Variants in DCHS2 observed in about 807,000 individuals in gnomAD.
DCHS2 encodes protocadherin-23.
A neutral mutation model predicts 182.4 loss-of-function variants in DCHS2; 142 were observed. The observed-to-expected ratio is 0.78, with a 90% CI of 0.68 to 0.89. The LOEUF (loss-of-function observed/expected upper bound fraction) is 0.89. Ranked by LOEUF, DCHS2 falls within the 40% of genes least tolerant of loss-of-function variation. The pLI, the probability that DCHS2 is intolerant of heterozygous loss-of-function variation, is 0.00. For missense variants in DCHS2, 4,319 were observed against 4,198.6 expected, an observed-to-expected ratio of 1.03 and a Z score of -0.79; for synonymous variants, 1,740 against 1,663.3, an observed-to-expected ratio of 1.05 and a Z score of -1.12.
chr4:154,399,864 AAT>A lies in DCHS2; in HGVS notation c.2053-22422_2053-22421del. Among the ~76,000 whole-genome samples, 3 of 152,310 alleles carry A rather than the reference AAT, an allele frequency of 2.0e-5. No individual in the cohort carries two copies. In the South Asian group the frequency reaches 6.2e-4, roughly 32 times the overall value. On this transcript the variant is annotated intron_variant, in intron 1 of 19. Transcript: ENST00000357232. ...AGGGGGATCCCTCTGGGAGCAAACG[AAT>A]AGAGAGGATATGCTACGCTGCTGTG...
intron 15 of DCHS2, 41 bp downstream of exon 15, chr4:154,259,504 A>G: frequency 8.1e-7 from 1 of 1,227,584 alleles, no homozygotes. Context: ...ACACACCCAC[A>G]CACACACACA....
chr4:154,456,318 T>C (rs1393148338), intron 1 of DCHS2, among the ~76,000 whole-genome samples: 4 of 152,196 alleles, frequency 2.6e-5, no homozygotes, highest in Non-Finnish European at 5.9e-5. Context: ...TAGCAAGCAT[T>C]TATTGAGCCT....
At position 154,320,678 on chromosome 4, in the gene DCHS2, C is replaced by T. The variant is rs757472021; in HGVS notation, c.4721G>A (p.Arg1574His). 12 of 1,613,902 alleles carry T rather than the reference C, an allele frequency of 7.4e-6. No homozygotes were observed. Among genetic ancestry groups the T allele is most frequent in the Admixed American group, 3.3e-5 (2 of 59,984 alleles). ...PSFGTLVTVS[R>H]LDRESIPTVI... ...AGTTGGAATGCTTTCTCTGTCAAGA[C>T]GGGACACAGTGACTAGTGTGCCAAA... Residue 1574 changes from arginine to histidine, a missense_variant, in exon 9 of 20, where the codon CGT becomes CAT. Physicochemically the swap from Arg to His is conservative, Grantham distance 29 (BLOSUM62 0). Coordinates refer to ENST00000357232, the MANE Select transcript of DCHS2 (RefSeq NM_001358235.2).
At chr4:154,376,269 G>C (rs778891233) in intron 2 of DCHS2, among the ~76,000 whole-genome samples, 3 of 151,974 alleles carry the variant, frequency 2.0e-5, no homozygotes, top group African/African-American at 4.8e-5. Context: ...AACAAAAAAA[G>C]ACAAAGGAAT....
intron 1 of DCHS2, among the ~76,000 whole-genome samples, chr4:154,390,117 T>G (rs1731624654): frequency 6.6e-6 from 1 of 151,870 alleles, no homozygotes; most frequent in African/African-American, 2.4e-5. Context: ...TTTTATTTTT[T>G]TTCTTTTATT....
Position 154,259,686 on chromosome 4 carries a change from T to G in DCHS2, c.6648A>C (p.Leu2216Phe). 6.2e-7 allele frequency: 1 copy of G among 1,614,120 alleles called. No individual in the cohort carries two copies. Among genetic ancestry groups the G allele is most frequent in the Non-Finnish European group, 8.5e-7 (1 of 1,180,002 alleles). The part of the protein sequence containing the change: ...EVRNEVQLIV[L>F]AESSGHRAYC... ...AGGCTCTATGCCCACTACTTTCAGC[T>G]AAAACGATGAGTTGAACCTCATTTC... Residue 2216 changes from leucine to phenylalanine, a missense_variant, in exon 15 of 20, where the codon TTA becomes TTC. Transcript: ENST00000357232.
chr4:154,400,228 G>A (rs1418180517), intron 1 of DCHS2, among the ~76,000 whole-genome samples: 4 of 148,240 alleles, frequency 2.7e-5, no homozygotes, highest in East Asian at 4.1e-4. Context: ...GTGTGAACCC[G>A]GGAGGCGGAG....
At position 154,239,064 on chromosome 4, in the gene DCHS2, G is replaced by A. The variant is rs559702835; in HGVS notation, c.7492+106C>T. On this transcript the variant is annotated intron_variant, in intron 19 of 19. Transcript: ENST00000357232. ...CAGTCGTGCTTATAATTCCATGCGG[G>A]GTGGGGAGGTGGGGAACTTTTATAG... 9 of 1,408,500 alleles carry A rather than the reference G, an allele frequency of 6.4e-6. No individual in the cohort carries two copies. The African/African-American group carries it at 1.3e-4, about 20-fold the overall frequency. 87.3% of individuals were successfully genotyped at this position (1,408,500 alleles called of 1,614,324 possible). A position where few individuals can be genotyped will look rare whatever the true frequency, so the allele number is the denominator to read the frequency against.
At chr4:154,421,717 C>T (rs1158615316) in intron 1 of DCHS2, among the ~76,000 whole-genome samples, 2 of 152,202 alleles carry the variant, frequency 1.3e-5, no homozygotes, top group Admixed American at 1.3e-4. Context: ...AACACGCTTT[C>T]GTCTGCTTTA....
intron 1 of DCHS2, among the ~76,000 whole-genome samples, chr4:154,459,489 C>T (rs1734915655): frequency 6.6e-6 from 1 of 152,120 alleles, no homozygotes; most frequent in Admixed American, 6.5e-5. Context: ...CAAAGAGCCC[C>T]GACCACCGTC....
chr4:154,420,481 A>G (rs1379105748), intron 1 of DCHS2, among the ~76,000 whole-genome samples: 2 of 152,156 alleles, frequency 1.3e-5, no homozygotes, highest in East Asian at 3.9e-4. Flanking sequence ...GAAGACAATG[A>G]TGTAACTCTC....
Position 154,373,839 on chromosome 4 carries a change from G to A in DCHS2, c.2244+3414C>T. 3 of 1,159,198 alleles carry A rather than the reference G, an allele frequency of 2.6e-6. No individual in the cohort carries two copies. In the South Asian group the frequency reaches 4.0e-5, roughly 15 times the overall value. The allele number at this position is 1,159,198 out of a possible 1,614,324, so 71.8% of individuals were successfully genotyped here. A position where few individuals can be genotyped will look rare whatever the true frequency, so the allele number is the denominator to read the frequency against. Reference sequence around the variant, plus strand: ...AGGTGTGCAAGCACTCAGGGGAGAAGGAAAACTCGAAGCTCTGACAACCCA... The same window carrying A: ...AGGTGTGCAAGCACTCAGGGGAGAAAGAAAACTCGAAGCTCTGACAACCCA... On this transcript the variant is annotated intron_variant, in intron 2 of 19. Coordinates refer to ENST00000357232, the MANE Select transcript of DCHS2 (RefSeq NM_001358235.2).
chr4:154,234,820 G>A lies in DCHS2; in HGVS notation c.9832C>T (p.Pro3278Ser), dbSNP rs558427639. The change falls in exon 20 of 20, where the codon CCC becomes TCC. Residue 3278 changes from proline (P) to serine (S), a missense_variant. Coordinates refer to ENST00000357232, the MANE Select transcript of DCHS2 (RefSeq NM_001358235.2). ...PKEKKSFVFP[P>S]PLITAVAQPG... ...TGGGCTACTGCTGTTATCAAAGGGG[G>A]TGGAAAAACAAAAGATTTCTTCTCT... The A allele has an allele frequency of 3.1e-6, 5 of 1,614,058 alleles. No individual in the cohort carries two copies. Among genetic ancestry groups the A allele is most frequent in the African/African-American group, 2.7e-5 (2 of 75,028 alleles).
chr4:154,234,986 C>T lies in DCHS2; in HGVS notation c.9666G>A (p.Thr3222=), dbSNP rs572747172. 19 of 1,613,988 alleles carry T rather than the reference C, an allele frequency of 1.2e-5. No individual in the cohort carries two copies. The highest frequency in any genetic ancestry group is 1.7e-4 in the Middle Eastern group (1 of 6,058). The part of the protein sequence containing the change: ...EVRCAALSTQ[T]TSDHDGKDNY... ...TGTCTTTTCCATCATGATCAGAGGT[C>T]GTCTGAGTTGAAAGAGCTGCACACC... is the stretch of plus-strand genomic sequence containing the variant. The change falls in exon 20 of 20, where the codon ACG becomes ACA. Residue 3222 remains threonine, a synonymous_variant. Coordinates refer to ENST00000357232, the MANE Select transcript of DCHS2 (RefSeq NM_001358235.2).
rs1735873044 is a variant in DCHS2 at position 154,480,343 on chromosome 4, T to C, written c.2052+8961A>G. On this transcript the variant is annotated intron_variant, in intron 1 of 19. Coordinates refer to ENST00000357232, the MANE Select transcript of DCHS2 (RefSeq NM_001358235.2). Reference sequence around the variant, plus strand: ...TAATTGAAATGAAGAACAAAGGAAATTTCAGAATAATCTGAACAAAAAAGC... The same window carrying C: ...TAATTGAAATGAAGAACAAAGGAAACTTCAGAATAATCTGAACAAAAAAGC... 2.0e-5 allele frequency among the ~76,000 whole-genome samples: 3 copies of C among 152,196 alleles called. No homozygotes were observed. In the South Asian group the frequency reaches 6.2e-4, roughly 32 times the overall value.
intron 1 of DCHS2, among the ~76,000 whole-genome samples, chr4:154,440,777 C>A (rs746786073): frequency 6.6e-6 from 1 of 151,930 alleles, no homozygotes; most frequent in Non-Finnish European, 1.5e-5. Context: ...GTTGTAAGAC[C>A]AAAGAACACA....
chr4:154,285,335 G>C (rs1734344811), intron 13 of DCHS2, among the ~76,000 whole-genome samples: 1 of 151,920 alleles, frequency 6.6e-6, no homozygotes, highest in East Asian at 1.9e-4. Context: ...GACCCTTTCT[G>C]CTAGAGAAAA....
At chr4:154,342,156 A>G (rs1402854017) in intron 3 of DCHS2, among the ~76,000 whole-genome samples, 1 of 152,216 alleles carries the variant, frequency 6.6e-6, no homozygotes, top group Non-Finnish European at 1.5e-5. Context: ...TCAGTGTGCA[A>G]TAACAGTAAG....
chr4:154,489,440 C>T lies in DCHS2; in HGVS notation c.1916G>A (p.Gly639Glu). The change falls in exon 1 of 20, where the codon GGA becomes GAA. Residue 639 changes from glycine (G) to glutamate (E), a missense_variant. Physicochemically the swap from Gly to Glu is moderately conservative, Grantham distance 98. Transcript: ENST00000357232. ...VELKVVAQDL[G>E]EPPLSATCLV... ...GCAGGTGGCAGAGAGTGGGGGCTCT[C>T]CGAGGTCCTGGGCCACCACTTTCAG... 6.4e-7 allele frequency: 1 copy of T among 1,551,740 alleles called. No homozygotes were observed. The highest frequency in any genetic ancestry group is 1.2e-5 in the South Asian group (1 of 84,056).
Sources: allele counts gnomAD v4.1 joint callset (sites outside exome capture counted in the v4.1 genomes callset), GRCh38; gene constraint gnomAD v4.1.1; transcripts MANE v1.5; gene names NCBI Gene and HGNC (gene_info 2026-07-23, HGNC 2026-07-21).